The following OPHN1 variants were observed in gnomAD, a reference collection of about 807,000 sequenced individuals.
The protein encoded by OPHN1 is oligophrenin-1.
Under a neutral mutation model 60.7 loss-of-function variants are expected in OPHN1, and 11 were observed. The observed-to-expected ratio is 0.18, with a 90% CI of 0.11 to 0.30. The LOEUF (loss-of-function observed/expected upper bound fraction) is 0.30, where lower values mean the gene tolerates loss of function less well. Ranked by LOEUF, OPHN1 falls within the 10% of genes least tolerant of loss-of-function variation. The probability of loss-of-function intolerance (pLI) is 1.00; values close to 1 mark genes in which losing one functional copy is unlikely to be tolerated. For missense variants in OPHN1, 449 were observed against 611.0 expected, an observed-to-expected ratio of 0.73 and a Z score of 2.80; for synonymous variants, 226 against 222.6, an observed-to-expected ratio of 1.02 and a Z score of -0.14.
intron 15 of OPHN1, among the ~76,000 whole-genome samples, chrX:68,181,924 G>A (rs1180976549): frequency 1.8e-5 from 2 of 112,014 alleles, no homozygotes; most frequent in Non-Finnish European, 3.8e-5. Context: ...CAAGTCCATG[G>A]TGTTCACAAA....
At chrX:68,389,113 T>G (rs1452802071) in intron 2 of OPHN1, among the ~76,000 whole-genome samples, 4 of 78,093 alleles carry the variant, frequency 5.1e-5, no homozygotes, top group Non-Finnish European at 1.1e-4. Context: ...CACCATCAAC[T>G]CTGGCTAATT....
intron 15 of OPHN1, among the ~76,000 whole-genome samples, chrX:68,186,754 C>T (rs1236707970): frequency 9.0e-6 from 1 of 111,405 alleles, no homozygotes; most frequent in African/African-American, 3.3e-5. Context: ...TGATGAGGGA[C>T]CTTTTCCAGG....
At chrX:68,124,312 T>C (rs1057116655) in intron 15 of OPHN1, among the ~76,000 whole-genome samples, 10 of 111,097 alleles carry the variant, frequency 9.0e-5, no homozygotes, top group African/African-American at 3.3e-4. Context: ...AGAAGATCAT[T>C]ATGACCCCAT....
At chrX:68,270,547 C>T (rs1410919541) in intron 5 of OPHN1, among the ~76,000 whole-genome samples, 1 of 88,133 alleles carries the variant, frequency 1.1e-5, no homozygotes, top group Non-Finnish European at 2.1e-5. Context: ...AATGAGAACA[C>T]ATGGACACAG....
At chrX:68,393,089 C>A (rs1569301124) in intron 2 of OPHN1, among the ~76,000 whole-genome samples, 1 of 111,240 alleles carries the variant, frequency 9.0e-6, no homozygotes, top group Admixed American at 9.6e-5. Flanking sequence ...TAACACATGC[C>A]CACTTGGGCT....
intron 15 of OPHN1, among the ~76,000 whole-genome samples, chrX:68,122,010 A>T (rs1170604631): frequency 1.8e-5 from 2 of 109,137 alleles, no homozygotes; most frequent in Non-Finnish European, 3.8e-5. Flanking sequence ...ACCCTAAATA[A>T]CCAGAAGCAA....
chrX:68,428,652 T>C (rs920780358), intron 2 of OPHN1, among the ~76,000 whole-genome samples: 4 of 112,223 alleles, frequency 3.6e-5, no homozygotes, highest in South Asian at 7.4e-4. Flanking sequence ...TAACTATATA[T>C]AACACTTATT....
At chrX:68,270,755 G>A (rs964164453) in intron 5 of OPHN1, among the ~76,000 whole-genome samples, 1 of 110,035 alleles carries the variant, frequency 9.1e-6, no homozygotes, top group Non-Finnish European at 1.9e-5. Flanking sequence ...TAAAAAAAAA[G>A]AATCTCAAAC....
At chrX:68,090,925 C>T (rs1350890840) in intron 19 of OPHN1, among the ~76,000 whole-genome samples, 2 of 111,571 alleles carry the variant, frequency 1.8e-5, no homozygotes, top group Admixed American at 9.6e-5. Flanking sequence ...ATACTTAACA[C>T]AGTTAGGCAA....
At chrX:68,251,185 T>G (rs974130263) in intron 5 of OPHN1, among the ~76,000 whole-genome samples, 33 of 94,924 alleles carry the variant, frequency 3.5e-4, no homozygotes, top group Non-Finnish European at 6.3e-4. Context: ...CAAATGTTTT[T>G]TTTTTTTTTT....
intron 17 of OPHN1, 127 bp downstream of exon 17, chrX:68,113,054 A>C: frequency 2.0e-6 from 1 of 503,371 alleles, no homozygotes; most frequent in Non-Finnish European, 3.4e-6. Flanking sequence ...GCAGTTGTGC[A>C]TAATTTGTGT....
At chrX:68,096,018 T>C (rs1241598731) in intron 19 of OPHN1, among the ~76,000 whole-genome samples, 1 of 111,774 alleles carries the variant, frequency 8.9e-6, no homozygotes, top group Admixed American at 9.5e-5. Flanking sequence ...GATTTCTTTT[T>C]AGTTTTGATG....
chrX:68,082,343 T>C (rs1435800033), intron 19 of OPHN1, among the ~76,000 whole-genome samples: 1 of 112,537 alleles, frequency 8.9e-6, no homozygotes, highest in African/African-American at 3.2e-5. Context: ...AGGTTTTAAA[T>C]TTACTTTGCC....
intron 5 of OPHN1, among the ~76,000 whole-genome samples, chrX:68,246,978 T>A (rs2077809155): frequency 9.0e-6 from 1 of 111,608 alleles, no homozygotes; most frequent in South Asian, 3.8e-4. Context: ...GCGTTCCATA[T>A]CAACTACAGG....
At chrX:68,186,474 G>GT (rs1178520037) in intron 15 of OPHN1, among the ~76,000 whole-genome samples, 2 of 100,540 alleles carry the variant, frequency 2.0e-5, no homozygotes, top group East Asian at 3.1e-4. Flanking sequence ...CAATATTACA[G>GT]TAAAAAAAAA....
At chrX:68,340,368 G>T (rs2078345210) in intron 2 of OPHN1, among the ~76,000 whole-genome samples, 1 of 112,402 alleles carries the variant, frequency 8.9e-6, no homozygotes, top group African/African-American at 3.2e-5. Flanking sequence ...TAGACATATA[G>T]ATCAATAAAA....
chrX:68,358,249 A>T (rs1006139694), intron 2 of OPHN1, among the ~76,000 whole-genome samples: 2 of 110,951 alleles, frequency 1.8e-5, no homozygotes, highest in Non-Finnish European at 3.8e-5. Flanking sequence ...TGAACCCAGG[A>T]TGGGGAGGTT....
At chrX:68,144,616 A>G (rs1427334276) in intron 15 of OPHN1, among the ~76,000 whole-genome samples, 1 of 112,222 alleles carries the variant, frequency 8.9e-6, no homozygotes, top group Non-Finnish European at 1.9e-5. Flanking sequence ...GTGAAACTCC[A>G]AGTTAATAAA....
At chrX:68,343,290 G>T (rs1392817422) in intron 2 of OPHN1, among the ~76,000 whole-genome samples, 3 of 105,234 alleles carry the variant, frequency 2.9e-5, no homozygotes, top group African/African-American at 1.0e-4. Flanking sequence ...AAAAAAGCGG[G>T]GGGGGAGGGG....
Sources: allele counts gnomAD v4.1 joint callset (sites outside exome capture counted in the v4.1 genomes callset), GRCh38; gene constraint gnomAD v4.1.1; transcripts MANE v1.5; gene names NCBI Gene and HGNC (gene_info 2026-07-23, HGNC 2026-07-21).